TUSC3: variants seen among roughly 807,000 people sequenced by gnomAD.
TUSC3 encodes dolichyl-diphosphooligosaccharide--protein glycosyltransferase subunit TUSC3.
Under a neutral mutation model 44.8 loss-of-function variants are expected in TUSC3, and 45 were observed. The observed-to-expected ratio is 1.00, with a 90% CI of 0.79 to 1.29. TUSC3 has a LOEUF of 1.29. Ranked by LOEUF, TUSC3 falls within the 50% of genes most tolerant of loss-of-function variation. The pLI is 0.00. For synonymous variants in TUSC3, 212 were observed against 152.9 expected (o/e 1.39, Z -2.85); for missense variants, 519 against 437.9 (o/e 1.19, Z -1.65).
In TUSC3 at chr8:15,650,687, T is replaced by C. The variant is rs377149701; in HGVS notation, c.309-10T>C. ...GATGTGTTTCTACTATGGCCCATTA[T>C]TCTTATCAGGCAAGCTAATGAAGAA... On this transcript the variant is annotated splice_polypyrimidine_tract_variant and intron_variant, in intron 2 of 10. Transcript: ENST00000503731. 43 of 1,612,736 alleles carry C rather than the reference T, an allele frequency of 2.7e-5. No homozygotes were observed. In the African/African-American group the frequency reaches 5.1e-4, roughly 19 times the overall value.
the TUSC3 span, among the ~76,000 whole-genome samples, chr8:15,777,530 CAAGA>C: frequency 1.3e-5 from 2 of 151,650 alleles, no homozygotes; most frequent in African/African-American, 4.9e-5. Flanking sequence ...GTAGGTAAGA[CAAGA>C]AAGACAAAAT....
intron 2 of TUSC3, among the ~76,000 whole-genome samples, chr8:15,504,562 T>C (rs535712527): frequency 7.4e-6 from 1 of 134,720 alleles, no homozygotes; most frequent in African/African-American, 2.7e-5. Context: ...TTAATCCTAT[T>C]AAAGGCAACT....
chr8:15,576,074 T>A (rs932920682), intron 1 of TUSC3, among the ~76,000 whole-genome samples: 1 of 151,790 alleles, frequency 6.6e-6, no homozygotes, highest in African/African-American at 2.4e-5. Context: ...TTGAACCTAT[T>A]ACTAAAGTTT....
chr8:15,703,744 C>G (rs1461899682), intron 6 of TUSC3, among the ~76,000 whole-genome samples: 2 of 152,146 alleles, frequency 1.3e-5, no homozygotes, highest in East Asian at 1.9e-4. Context: ...AGCGGGAGAA[C>G]TCATTCATTA....
At chr8:15,822,351 G>T in the TUSC3 span, among the ~76,000 whole-genome samples, 4 of 152,264 alleles carry the variant, frequency 2.6e-5, no homozygotes, top group East Asian at 7.7e-4. Context: ...GCACTTTACA[G>T]ATGGTATTAT....
chr8:15,647,149 G>C (rs890136107), intron 2 of TUSC3, among the ~76,000 whole-genome samples: 5 of 151,936 alleles, frequency 3.3e-5, no homozygotes, highest in African/African-American at 1.2e-4. Context: ...TTTGAGTTCT[G>C]TTTATAGGTT....
rs1390730852 is a variant in TUSC3 at position 15,563,078 on chromosome 8, A to G, written c.138+22510A>G. The stretch of plus-strand genomic sequence containing the variant: ...AAAGTGGGCAAGCCTGCACTTTTAG[A>G]TTTTATGTAGTTTTAAATGGTGGCT... On this transcript the variant is annotated intron_variant, in intron 1 of 10. Transcript: ENST00000503731. 3.3e-5 allele frequency among the ~76,000 whole-genome samples: 5 copies of G among 152,178 alleles called. No individual in the cohort carries two copies. The East Asian group carries it at 7.7e-4, about 24-fold the overall frequency.
At chr8:15,471,990 G>A (rs1160180819) in intron 1 of TUSC3, among the ~76,000 whole-genome samples, 2 of 151,668 alleles carry the variant, frequency 1.3e-5, no homozygotes, top group Non-Finnish European at 2.9e-5. Context: ...CTGGTTATGT[G>A]CACAAGAAAA....
intron 2 of TUSC3, among the ~76,000 whole-genome samples, chr8:15,643,282 G>T (rs1403617891): frequency 6.6e-6 from 1 of 152,142 alleles, no homozygotes; most frequent in Non-Finnish European, 1.5e-5. Flanking sequence ...TTTATTAGCA[G>T]CATGAGAATG....
intron 1 of TUSC3, among the ~76,000 whole-genome samples, chr8:15,418,700 GTTAAAA>G (rs1211723494): frequency 3.9e-5 from 6 of 152,176 alleles, no homozygotes; most frequent in African/African-American, 1.2e-4. Flanking sequence ...ATACCTAAGA[GTTAAAA>G]TTAAGAATTA....
chr8:15,450,909 G>T (rs954459701), intron 1 of TUSC3, among the ~76,000 whole-genome samples: 2 of 152,110 alleles, frequency 1.3e-5, no homozygotes, highest in Non-Finnish European at 2.9e-5. Flanking sequence ...GAAACATGCC[G>T]CTGCTGAGTT....
rs190383313 is a variant in TUSC3 at position 15,684,244 on chromosome 8, C to T, written c.798+10408C>T. On this transcript the variant is annotated intron_variant, in intron 6 of 10. Transcript: ENST00000503731. ...CAGGCTCTAATGGGCTGTGCTTCTG[C>T]CTCCCATAGAGCAGTCCAAGAGAGT... Among the ~76,000 whole-genome samples, 231 of 152,188 alleles carry T rather than the reference C, an allele frequency of 1.5e-3. 1 individual carries two copies. Among genetic ancestry groups the T allele is most frequent in the Admixed American group, 4.1e-3 (62 of 15,288 alleles).
chr8:15,504,578 GATATATATATATATATATAT>G (rs1158864721), intron 2 of TUSC3, among the ~76,000 whole-genome samples: 7 of 33,464 alleles, frequency 2.1e-4, no homozygotes, highest in Admixed American at 2.0e-3. Flanking sequence ...CAACTTTCAG[GATATATATATATATATATAT>G]ATATATATAT....
chr8:15,478,805 G>C (rs1036177168), intron 1 of TUSC3, among the ~76,000 whole-genome samples: 6 of 152,082 alleles, frequency 3.9e-5, no homozygotes, highest in African/African-American at 1.4e-4. Flanking sequence ...CTAGTAATGG[G>C]ATTCATGGGT....
chr8:15,800,348 A>G, the TUSC3 span, among the ~76,000 whole-genome samples: 3 of 152,122 alleles, frequency 2.0e-5, no homozygotes, highest in Non-Finnish European at 4.4e-5. Flanking sequence ...TAAGGTGGGC[A>G]GATTGCTTGA....
At chr8:15,606,124 G>A (rs1375316056) in intron 1 of TUSC3, among the ~76,000 whole-genome samples, 1 of 151,992 alleles carries the variant, frequency 6.6e-6, no homozygotes, top group Non-Finnish European at 1.5e-5. Context: ...AAGCAGACAA[G>A]CCATGACATT....
At chr8:15,701,671 A>G (rs1297672345) in intron 6 of TUSC3, among the ~76,000 whole-genome samples, 1 of 152,164 alleles carries the variant, frequency 6.6e-6, no homozygotes, top group Admixed American at 6.6e-5. Context: ...TTTCAGAAGG[A>G]AGAAGTAGAA....
chr8:15,742,670 A>G (rs1298029362), intron 7 of TUSC3, among the ~76,000 whole-genome samples: 1 of 152,234 alleles, frequency 6.6e-6, no homozygotes, highest in Admixed American at 6.5e-5. Flanking sequence ...CAAGGGAATC[A>G]TAATGAAATT....
intron 2 of TUSC3, among the ~76,000 whole-genome samples, chr8:15,522,980 C>T (rs990765478): frequency 2.0e-5 from 3 of 152,260 alleles, no homozygotes; most frequent in South Asian, 2.1e-4. Flanking sequence ...GAAGATGCAT[C>T]GTTAAGTAAG....
Sources: allele counts gnomAD v4.1 joint callset (sites outside exome capture counted in the v4.1 genomes callset), GRCh38; gene constraint gnomAD v4.1.1; transcripts MANE v1.5; gene names NCBI Gene and HGNC (gene_info 2026-07-23, HGNC 2026-07-21).